The following USP15 variants were observed in gnomAD, a reference collection of about 807,000 sequenced individuals.
USP15 encodes ubiquitin specific peptidase 15, also known as ubiquitin carboxyl-terminal hydrolase 15.
A neutral mutation model predicts 127.1 loss-of-function variants in USP15; 18 were observed. The observed-to-expected ratio is 0.14, with a 90% CI of 0.10 to 0.21. The LOEUF (loss-of-function observed/expected upper bound fraction) is 0.21. Among genes scored for constraint, USP15 ranks in the 10% least tolerant of loss-of-function variants. The probability of loss-of-function intolerance (pLI) is 1.00; values close to 1 mark genes in which losing one functional copy is unlikely to be tolerated. For missense variants in USP15, 805 were observed against 1,159.9 expected (o/e 0.69, Z 4.44); for synonymous variants, 364 against 393.7 (o/e 0.92, Z 0.89).
At chr12:62,372,245 A>G (rs151337289) in intron 8 of USP15, among the ~76,000 whole-genome samples, 72 of 152,212 alleles carry the variant, frequency 4.7e-4, no homozygotes, top group African/African-American at 1.7e-3. Flanking sequence ...AGAGCTACCT[A>G]TATATGTATA....
chr12:62,355,224 G>T, intron 7 of USP15, 107 bp from the exon 8 acceptor site: 3 of 1,031,934 alleles, frequency 2.9e-6, no homozygotes, highest in South Asian at 4.6e-5. Flanking sequence ...CTTTATAAAA[G>T]AAATGTAATG....
At chr12:62,355,751 A>G (rs1379068061) in intron 8 of USP15, among the ~76,000 whole-genome samples, 1 of 151,140 alleles carries the variant, frequency 6.6e-6, no homozygotes, top group East Asian at 1.9e-4. Context: ...AGCTGTCTAA[A>G]AAGGGAGGGA....
rs1365398999 is a variant in USP15 at position 62,411,584 on chromosome 12, C to A, written c.*7209C>A. 2 of 152,124 alleles carry A rather than the reference C, an allele frequency of 1.3e-5. No homozygotes were observed. The highest frequency in any genetic ancestry group is 2.9e-5 in the Non-Finnish European group (2 of 68,034). The allele number at this position is 152,124 out of a possible 1,614,324, so 9.4% of individuals were successfully genotyped here. Reference sequence around the variant, plus strand: ...GTCCAGTTTCATTAGTCATTAAAGTCATTTGAATTAAAGACAATAATCCAG... The same window carrying A: ...GTCCAGTTTCATTAGTCATTAAAGTAATTTGAATTAAAGACAATAATCCAG... On this transcript the variant is annotated 3_prime_UTR_variant, in exon 22 of 22. Transcript: ENST00000280377.
rs182113371 is a variant in USP15 at position 62,335,490 on chromosome 12, A to G, written c.683+9557A>G. ...AGGACAGTCCCTCTACTCTACCTGT[A>G]GTATTTATCTCAATGCTTCCTGGTC... is the stretch of plus-strand genomic sequence containing the variant. On this transcript the variant is annotated intron_variant, in intron 6 of 21. Coordinates refer to ENST00000280377, the MANE Select transcript of USP15 (RefSeq NM_001252078.2). 685 of 1,211,536 alleles carry G rather than the reference A, an allele frequency of 5.7e-4. 3 individuals carry two copies. The African/African-American group carries it at 9.6e-3, about 17-fold the overall frequency. The allele number at this position is 1,211,536 out of a possible 1,614,324, so 75.0% of individuals were successfully genotyped here. A position where few individuals can be genotyped will look rare whatever the true frequency, so the allele number is the denominator to read the frequency against.
chr12:62,390,753 G>A (rs950817149), intron 14 of USP15, 111 bp from the exon 15 acceptor site: 2 of 593,986 alleles, frequency 3.4e-6, no homozygotes, highest in Admixed American at 6.8e-5. Flanking sequence ...AATCTACTAA[G>A]TGACCACTGT....
rs1043466531 is a variant in USP15, at chr12:62,408,256, G to A, written c.*3881G>A. 29 of 151,938 alleles carry A rather than the reference G, an allele frequency of 1.9e-4. No homozygotes were observed. The highest frequency in any genetic ancestry group is 7.2e-4 in the Admixed American group (11 of 15,226). 9.4% of individuals were successfully genotyped at this position (151,938 alleles called of 1,614,324 possible). A position where few individuals can be genotyped will look rare whatever the true frequency, so the allele number is the denominator to read the frequency against. The stretch of plus-strand genomic sequence containing the variant: ...GTCTGATGTATGGTGACAAGAAAAA[G>A]GCCAATTTTTTGTTTTGTTATTTTT... On this transcript the variant is annotated 3_prime_UTR_variant, in exon 22 of 22. Coordinates refer to ENST00000280377, the MANE Select transcript of USP15 (RefSeq NM_001252078.2).
intron 6 of USP15, among the ~76,000 whole-genome samples, chr12:62,330,265 C>A (rs1254363857): frequency 6.6e-6 from 1 of 151,580 alleles, no homozygotes; most frequent in Non-Finnish European, 1.5e-5. Context: ...GATACAGATT[C>A]TTTTTTCTGG....
intron 1 of USP15, among the ~76,000 whole-genome samples, chr12:62,285,614 A>G (rs1220796802): frequency 6.6e-6 from 1 of 152,028 alleles, no homozygotes; most frequent in Non-Finnish European, 1.5e-5. Context: ...ATTCTTTTTT[A>G]TGGCTGAGTA....
chr12:62,380,722 T>A (rs191190800), intron 8 of USP15, among the ~76,000 whole-genome samples: 1 of 152,184 alleles, frequency 6.6e-6, no homozygotes, highest in East Asian at 1.9e-4. Context: ...TGTATTGAGG[T>A]CAAATTATAT....
intron 8 of USP15, among the ~76,000 whole-genome samples, chr12:62,363,917 A>G (rs1371508436): frequency 6.6e-6 from 1 of 152,178 alleles, no homozygotes; most frequent in Non-Finnish European, 1.5e-5. Flanking sequence ...AGAAGAACAT[A>G]GTAGGAGAAG....
chr12:62,393,261 G>A, intron 19 of USP15, 59 bp downstream of exon 19: 1 of 1,567,424 alleles, frequency 6.4e-7, no homozygotes, highest in East Asian at 2.3e-5. Flanking sequence ...CTTATTTGAT[G>A]CTTTTTGTTA....
chr12:62,317,595 A>G (rs2064869064), intron 4 of USP15, among the ~76,000 whole-genome samples: 1 of 152,182 alleles, frequency 6.6e-6, no homozygotes, highest in South Asian at 2.1e-4. Context: ...ATGGATATGT[A>G]TTTTTCCCTT....
chr12:62,399,672 C>T (rs551894235), intron 20 of USP15, among the ~76,000 whole-genome samples: 7 of 152,062 alleles, frequency 4.6e-5, no homozygotes, highest in Non-Finnish European at 7.4e-5. Context: ...TCTCTTTCTA[C>T]GGTTTCTCTC....
chr12:62,334,028 T>A (rs1452717006), intron 6 of USP15: 1 of 152,130 alleles, frequency 6.6e-6, no homozygotes, highest in Non-Finnish European at 1.5e-5. Flanking sequence ...GTGTCTAGAA[T>A]TTGCTTCAAA....
rs148455131 is a variant in USP15, at chr12:62,318,961, T to C, written c.476-2503T>C. Among the ~76,000 whole-genome samples, 208 of 152,250 alleles carry C rather than the reference T, an allele frequency of 1.4e-3. 2 individuals carry two copies. The highest frequency in any genetic ancestry group is 4.6e-3 in the African/African-American group (190 of 41,568). On this transcript the variant is annotated intron_variant, in intron 4 of 21. Coordinates refer to ENST00000280377, the MANE Select transcript of USP15 (RefSeq NM_001252078.2). ...CCATTGCTACCACTTTGGTTAGGAT[T>C]GTTGCAGTAACCTAGTTTCCCACCT...
chr12:62,328,267 C>G (rs776384239), intron 6 of USP15: 4 of 451,282 alleles, frequency 8.9e-6, no homozygotes, highest in Non-Finnish European at 1.8e-5. Context: ...ACCGAGAGAT[C>G]AGCAATCTTT....
chr12:62,271,454 G>A (rs933089601), intron 1 of USP15, among the ~76,000 whole-genome samples: 3 of 151,918 alleles, frequency 2.0e-5, no homozygotes, highest in African/African-American at 7.2e-5. Flanking sequence ...GTTATTATTC[G>A]AAGTTTAATG....
intron 2 of USP15, among the ~76,000 whole-genome samples, chr12:62,299,334 C>T (rs1027483939): frequency 6.6e-6 from 1 of 152,166 alleles, no homozygotes; most frequent in African/African-American, 2.4e-5. Flanking sequence ...GGTCTCTGAA[C>T]TCCTGACCTC....
chr12:62,364,217 G>C (rs1592673256), intron 8 of USP15, among the ~76,000 whole-genome samples: 1 of 152,070 alleles, frequency 6.6e-6, no homozygotes, highest in East Asian at 1.9e-4. Flanking sequence ...GGAAAGAAAG[G>C]GATTACGGAT....
Sources: gnomAD v4.1 joint callset for allele counts (sites outside exome capture counted in the v4.1 genomes callset) on GRCh38, gnomAD v4.1.1 for gene constraint, MANE v1.5 for transcripts, NCBI Gene and HGNC (gene_info 2026-07-23, HGNC 2026-07-21) for gene names.